The following DGKB variants were observed in gnomAD, a reference collection of about 807,000 sequenced individuals.
DGKB encodes the protein 90 kDa diacylglycerol kinase.
A neutral mutation model predicts 114.3 loss-of-function variants in DGKB; 67 were observed. The ratio of observed to expected loss-of-function variants is 0.59; its 90% CI spans 0.48 to 0.72. DGKB has a LOEUF of 0.72. DGKB is among the 30% of genes least tolerant of loss of function. The pLI is 0.00. For synonymous variants in DGKB, 398 were observed against 323.1 expected, an observed-to-expected ratio of 1.23 and a Z score of -2.49; for missense variants, 907 against 975.2, an observed-to-expected ratio of 0.93 and a Z score of 0.93.
chr7:14,622,677 C>T (rs1466774555), intron 14 of DGKB, among the ~76,000 whole-genome samples: 1 of 152,088 alleles, frequency 6.6e-6, no homozygotes, highest in Non-Finnish European at 1.5e-5. Flanking sequence ...ATTATTGTAA[C>T]TATCACCTAA....
At chr7:14,385,891 G>A (rs1411914112) in intron 21 of DGKB, among the ~76,000 whole-genome samples, 1 of 152,174 alleles carries the variant, frequency 6.6e-6, no homozygotes, top group Non-Finnish European at 1.5e-5. Context: ...GAAAACATCT[G>A]TCATTTTTGT....
intron 23 of DGKB, among the ~76,000 whole-genome samples, chr7:14,257,024 A>G (rs962431367): frequency 5.9e-5 from 9 of 152,112 alleles, no homozygotes; most frequent in Admixed American, 5.2e-4. Context: ...ATCACCAGGA[A>G]TGGTGGCATA....
chr7:14,532,024 T>G (rs1380487231), intron 20 of DGKB, among the ~76,000 whole-genome samples: 3 of 151,176 alleles, frequency 2.0e-5, no homozygotes, highest in African/African-American at 4.8e-5. Context: ...AAAATTGCAA[T>G]GAATCCTACA....
intron 17 of DGKB, 35 bp downstream of exon 17, chr7:14,607,399 T>C: frequency 9.5e-7 from 1 of 1,048,388 alleles, no homozygotes; most frequent in South Asian, 1.3e-5. Flanking sequence ...TAACATTAAC[T>C]GAGTTAATGG....
intron 2 of DGKB, among the ~76,000 whole-genome samples, chr7:14,798,535 A>G (rs951123301): frequency 6.6e-6 from 1 of 152,106 alleles, no homozygotes; most frequent in Non-Finnish European, 1.5e-5. Flanking sequence ...GACTTTTTTC[A>G]GTTGATTTTT....
chr7:14,412,367 G>A (rs911761583), intron 21 of DGKB, among the ~76,000 whole-genome samples: 4 of 152,156 alleles, frequency 2.6e-5, no homozygotes, highest in African/African-American at 9.6e-5. Flanking sequence ...ATGTGATGTG[G>A]AAGAATGTAA....
intron 12 of DGKB, among the ~76,000 whole-genome samples, chr7:14,674,014 C>T (rs1449178357): frequency 4.0e-5 from 6 of 151,718 alleles, no homozygotes; most frequent in African/African-American, 9.7e-5. Flanking sequence ...CCTTTGTGAG[C>T]AGTTAATTAT....
chr7:14,588,640 T>C (rs1265178776), intron 17 of DGKB, among the ~76,000 whole-genome samples: 1 of 152,138 alleles, frequency 6.6e-6, no homozygotes, highest in African/African-American at 2.4e-5. Context: ...TTTTTTTCTA[T>C]TTATTTTTTA....
At chr7:14,371,957 G>A (rs1378676445) in intron 21 of DGKB, among the ~76,000 whole-genome samples, 2 of 152,054 alleles carry the variant, frequency 1.3e-5, no homozygotes, top group East Asian at 1.9e-4. Flanking sequence ...CATGCTGCTG[G>A]GTCTCCAAAG....
At chr7:14,158,648 C>CA (rs111353060) in intron 25 of DGKB, among the ~76,000 whole-genome samples, 2 of 152,184 alleles carry the variant, frequency 1.3e-5, no homozygotes, top group African/African-American at 2.4e-5. Flanking sequence ...AACTTATCCA[C>CA]AAAAAAATTG....
chr7:14,279,714 C>G (rs1799625573), intron 23 of DGKB, among the ~76,000 whole-genome samples: 1 of 152,042 alleles, frequency 6.6e-6, no homozygotes, highest in Non-Finnish European at 1.5e-5. Flanking sequence ...GACCCCCGAG[C>G]AGCCTAACTG....
At chr7:14,380,882 T>A (rs1819342808) in intron 21 of DGKB, among the ~76,000 whole-genome samples, 1 of 152,172 alleles carries the variant, frequency 6.6e-6, no homozygotes, top group African/African-American at 2.4e-5. Context: ...CTGAAATTTG[T>A]GATTATGTTT....
At chr7:14,481,863 T>A (rs965179835) in intron 20 of DGKB, among the ~76,000 whole-genome samples, 1 of 152,028 alleles carries the variant, frequency 6.6e-6, no homozygotes, top group Non-Finnish European at 1.5e-5. Flanking sequence ...AGATTTCCAG[T>A]AATATTTTTG....
intron 23 of DGKB, among the ~76,000 whole-genome samples, chr7:14,238,340 A>C (rs1202840991): frequency 6.6e-6 from 1 of 151,934 alleles, no homozygotes; most frequent in Admixed American, 6.6e-5. Context: ...TGACATGTGA[A>C]GACTGTGCCT....
chr7:14,909,013 G>A (rs1783850740), intron 1 of DGKB, among the ~76,000 whole-genome samples: 1 of 151,174 alleles, frequency 6.6e-6, no homozygotes, highest in Non-Finnish European at 1.5e-5. Context: ...GTCTATGACT[G>A]GCTGGAAGAT....
At chr7:14,936,899 T>C (rs1438206530) in intron 1 of DGKB, among the ~76,000 whole-genome samples, 1 of 151,934 alleles carries the variant, frequency 6.6e-6, no homozygotes, top group East Asian at 1.9e-4. Context: ...AGGCTTTCAT[T>C]TATATCAGGG....
chr7:14,708,574 G>T (rs1166375481), intron 6 of DGKB, among the ~76,000 whole-genome samples: 2 of 151,366 alleles, frequency 1.3e-5, no homozygotes, highest in East Asian at 1.9e-4. Context: ...ATACTACAAG[G>T]CTACAGTAAC....
chr7:14,504,963 A>C (rs1374103008), intron 20 of DGKB, among the ~76,000 whole-genome samples: 5 of 152,156 alleles, frequency 3.3e-5, no homozygotes, highest in African/African-American at 1.2e-4. Context: ...CAAATCCTCA[A>C]AGGAACAAGA....
At chr7:14,636,576 T>G (rs1810797696) in intron 13 of DGKB, among the ~76,000 whole-genome samples, 1 of 151,846 alleles carries the variant, frequency 6.6e-6, no homozygotes, top group Non-Finnish European at 1.5e-5. Context: ...CATCGGTGTG[T>G]GTCATCATTT....
Sources: allele counts gnomAD v4.1 joint callset (sites outside exome capture counted in the v4.1 genomes callset), GRCh38; gene constraint gnomAD v4.1.1; transcripts MANE v1.5; gene names NCBI Gene and HGNC (gene_info 2026-07-23, HGNC 2026-07-21).